The following TNIP3 variants were observed in gnomAD, a reference collection of about 807,000 sequenced individuals.
TNIP3 encodes the protein TNFAIP3 interacting protein 3.
TNIP3 carries 34 observed loss-of-function variants against 54.1 expected under a neutral mutation model. That is an observed-to-expected ratio of 0.63 (90% CI 0.48 to 0.84). The LOEUF (loss-of-function observed/expected upper bound fraction) is 0.84. Among genes scored for constraint, TNIP3 ranks in the 40% least tolerant of loss-of-function variants. TNIP3 has a pLI of 0.00. For synonymous variants in TNIP3, 134 were observed against 136.8 expected (o/e 0.98, Z 0.14); for missense variants, 366 against 387.6 (o/e 0.94, Z 0.47).
chr4:121,221,970 A>T (rs563727838), intron 1 of TNIP3, among the ~76,000 whole-genome samples: 1 of 152,316 alleles, frequency 6.6e-6, no homozygotes, highest in South Asian at 2.1e-4. Context: ...CTGAACCAGG[A>T]GTCAGGAGAC....
chr4:121,221,567 A>G (rs1489045007), upstream of TNIP3, among the ~76,000 whole-genome samples: 1 of 152,264 alleles, frequency 6.6e-6, no homozygotes, highest in East Asian at 1.9e-4. Context: ...CCTCTAGCAA[A>G]TAAGATTCCT....
chr4:121,147,996 C>T (rs1273982468), intron 6 of TNIP3, among the ~76,000 whole-genome samples: 1 of 152,120 alleles, frequency 6.6e-6, no homozygotes, highest in Non-Finnish European at 1.5e-5. Context: ...CTTTATTCAC[C>T]AGAAGCACTG....
At chr4:121,139,706 C>T (rs1728998766) in intron 9 of TNIP3, among the ~76,000 whole-genome samples, 1 of 152,148 alleles carries the variant, frequency 6.6e-6, no homozygotes. Flanking sequence ...CCCCACTGTA[C>T]CCCTACTCTA....
intron 6 of TNIP3, among the ~76,000 whole-genome samples, chr4:121,148,846 A>G (rs905131723): frequency 6.6e-6 from 1 of 152,238 alleles, no homozygotes; most frequent in Non-Finnish European, 1.5e-5. Context: ...GTACTTGCTC[A>G]GGGCAAAACC....
intron 2 of TNIP3, 145 bp downstream of exon 2, chr4:121,160,991 T>G (rs1414822445): frequency 3.0e-6 from 2 of 671,724 alleles, no homozygotes; most frequent in Admixed American, 3.0e-5. Flanking sequence ...AAGAAGGCGT[T>G]TGCTTTCAAA....
chr4:121,165,110 G>A (rs887526739), upstream of TNIP3, among the ~76,000 whole-genome samples: 6 of 151,690 alleles, frequency 4.0e-5, no homozygotes, highest in East Asian at 1.2e-3. Flanking sequence ...ACTAAAAAGA[G>A]AAAAGAATTT....
At chr4:121,187,940 T>TTTCC (rs1360507037) in intron 2 of TNIP3, among the ~76,000 whole-genome samples, 1 of 152,026 alleles carries the variant, frequency 6.6e-6, no homozygotes, top group African/African-American at 2.4e-5. Context: ...GTTTTCTTTC[T>TTTCC]TTCCTTTTTT....
chr4:121,168,285 C>G (rs942434623), upstream of TNIP3, among the ~76,000 whole-genome samples: 3 of 150,540 alleles, frequency 2.0e-5, no homozygotes, highest in African/African-American at 7.3e-5. Flanking sequence ...CGCCTCACTG[C>G]AACCTCCGCC....
chr4:121,150,444 C>T (rs1452630806), intron 5 of TNIP3, among the ~76,000 whole-genome samples: 1 of 152,016 alleles, frequency 6.6e-6, no homozygotes, highest in African/African-American at 2.4e-5. Flanking sequence ...AGTCAATCCT[C>T]ATTATTATTT....
chr4:121,186,968 T>G (rs1312244672), intron 2 of TNIP3, among the ~76,000 whole-genome samples: 2 of 152,350 alleles, frequency 1.3e-5, no homozygotes, highest in East Asian at 3.9e-4. Context: ...TCTTTTGAAT[T>G]AGTGAAATCA....
At chr4:121,177,378 C>T (rs1157001471) in intron 3 of TNIP3, among the ~76,000 whole-genome samples, 2 of 152,214 alleles carry the variant, frequency 1.3e-5, no homozygotes, top group Non-Finnish European at 2.9e-5. Context: ...CACTTTCATG[C>T]TCATGGAGTT....
chr4:121,196,417 C>T (rs116413209), intron 2 of TNIP3, among the ~76,000 whole-genome samples: 3,303 of 151,832 alleles, frequency 0.022, 76 homozygotes, highest in Admixed American at 0.035. Flanking sequence ...GAAAATAAAT[C>T]GACGAATATA....
intron 2 of TNIP3, among the ~76,000 whole-genome samples, chr4:121,195,265 C>T (rs1725516725): frequency 1.3e-5 from 2 of 152,116 alleles, no homozygotes. Context: ...TGTCTATATG[C>T]TCATAATTTC....
At chr4:121,218,877 T>G (rs928682666), upstream of TNIP3, among the ~76,000 whole-genome samples, 12 of 152,032 alleles carry the variant, frequency 7.9e-5, no homozygotes, top group African/African-American at 2.7e-4. Context: ...CACATAAAAT[T>G]TCTGAGAACC....
intron 1 of TNIP3, among the ~76,000 whole-genome samples, chr4:121,162,658 G>A (rs1730523009): frequency 6.6e-6 from 1 of 152,174 alleles, no homozygotes; most frequent in Non-Finnish European, 1.5e-5. Flanking sequence ...CAGTAAGACT[G>A]GATTTTAGAA....
upstream of TNIP3, among the ~76,000 whole-genome samples, chr4:121,168,276 G>A (rs1400462497): frequency 1.3e-5 from 2 of 148,476 alleles, no homozygotes; most frequent in Non-Finnish European, 3.0e-5. Flanking sequence ...GCACAATCTC[G>A]CCTCACTGCA....
intron 2 of TNIP3, among the ~76,000 whole-genome samples, chr4:121,184,269 C>T (rs1724882791): frequency 6.6e-6 from 1 of 152,032 alleles, no homozygotes; most frequent in Admixed American, 6.6e-5. Context: ...AAATAAATAA[C>T]CAGATGAATG....
intron 2 of TNIP3, among the ~76,000 whole-genome samples, chr4:121,199,132 G>A (rs1725749591): frequency 6.6e-6 from 1 of 152,168 alleles, no homozygotes; most frequent in African/African-American, 2.4e-5. Flanking sequence ...AGCAAGGAGA[G>A]AGAGTGGATA....
intron 2 of TNIP3, among the ~76,000 whole-genome samples, chr4:121,200,218 C>T (rs1725806270): frequency 6.6e-6 from 1 of 152,098 alleles, no homozygotes; most frequent in Non-Finnish European, 1.5e-5. Context: ...CCAACCACCC[C>T]TGAGAATGCT....
Sources: gnomAD v4.1 joint callset for allele counts (sites outside exome capture counted in the v4.1 genomes callset) on GRCh38, gnomAD v4.1.1 for gene constraint, MANE v1.5 for transcripts, NCBI Gene and HGNC (gene_info 2026-07-23, HGNC 2026-07-21) for gene names.